The following ZSCAN25 variants were observed in gnomAD, a reference collection of about 807,000 sequenced individuals.
ZSCAN25 encodes zinc finger and SCAN domain containing 25, also known as zinc finger and SCAN domain-containing protein 25.
Under a neutral mutation model 38.7 loss-of-function variants are expected in ZSCAN25, and 27 were observed. The observed-to-expected ratio is 0.70, with a 90% confidence interval of 0.51 to 0.96. The LOEUF (loss-of-function observed/expected upper bound fraction) is 0.96. Among genes scored for constraint, ZSCAN25 ranks in the 40% least tolerant of loss-of-function variants. The pLI is 0.00. For synonymous variants in ZSCAN25, 273 were observed against 277.7 expected (o/e 0.98, Z 0.17); for missense variants, 637 against 705.9 (o/e 0.90, Z 1.11).
In ZSCAN25 at chr7:99,621,445, C is replaced by G; in HGVS notation, c.460C>G (p.Leu154Val). ...CRGAWEPGIQ[L>V]GPVEVKPEWG... ...AGGCGCTTGGGAGCCAGGCATCCAG[C>G]TGGGGCCAGTGGAGGTCAAGCCTGA... The change falls in exon 5 of 8, where the codon CTG (leucine) becomes GTG (valine). Residue 154 changes from leucine to valine, a missense_variant. Physicochemically the swap from Leu to Val is conservative, Grantham distance 32. Coordinates refer to ENST00000394152, the MANE Select transcript of ZSCAN25 (RefSeq NM_145115.3). 6.4e-7 allele frequency: 1 copy of G among 1,553,342 alleles called. No individual in the cohort carries two copies. Among genetic ancestry groups the G allele is most frequent in the Non-Finnish European group, 8.7e-7 (1 of 1,144,984 alleles).
the ZSCAN25 span, among the ~76,000 whole-genome samples, chr7:99,658,669 CAG>C: frequency 3.9e-5 from 6 of 152,202 alleles, no homozygotes; most frequent in African/African-American, 1.4e-4. Flanking sequence ...TAATATCCTG[CAG>C]AGTGTTTTCC....
chr7:99,712,168 A>G, the ZSCAN25 span, among the ~76,000 whole-genome samples: 6 of 152,274 alleles, frequency 3.9e-5, no homozygotes, highest in South Asian at 1.2e-3. Flanking sequence ...AGAGACCGGG[A>G]ACACAGAAAT....
Position 99,631,522 on chromosome 7 carries a change from C to T in ZSCAN25, c.*1502C>T. 1 of 985,484 alleles carries T rather than the reference C, an allele frequency of 1.0e-6. No individual in the cohort carries two copies. Among genetic ancestry groups the T allele is most frequent in the Non-Finnish European group, 1.2e-6 (1 of 829,942 alleles). 61.0% of individuals were successfully genotyped at this position (985,484 alleles called of 1,614,324 possible). A position where few individuals can be genotyped will look rare whatever the true frequency, so the allele number is the denominator to read the frequency against. On this transcript the variant is annotated 3_prime_UTR_variant, in exon 8 of 8. Transcript: ENST00000394152. ...ATTGTGCTGTGCCTTTGAACCCTGG[C>T]TGAGTGAGTGAGTTTGTCCTTTGTT...
chr7:99,715,823 G>T, the ZSCAN25 span: 9 of 1,613,872 alleles, frequency 5.6e-6, no homozygotes, highest in Non-Finnish European at 6.8e-6. Context: ...TTCCACAAAG[G>T]GGTCTTGTGG....
the ZSCAN25 span, among the ~76,000 whole-genome samples, chr7:99,738,022 A>G: frequency 1.3e-5 from 2 of 152,194 alleles, no homozygotes; most frequent in Non-Finnish European, 2.9e-5. Context: ...TAAAGCATTC[A>G]TCATGTTTTT....
the ZSCAN25 span, among the ~76,000 whole-genome samples, chr7:99,651,901 C>T: frequency 3.4e-4 from 51 of 152,202 alleles, 1 homozygote; most frequent in Admixed American, 6.5e-5. Flanking sequence ...CCAGGAGGAC[C>T]TGTGCTGTCT....
At chr7:99,644,661 T>C in the ZSCAN25 span, among the ~76,000 whole-genome samples, 1 of 152,170 alleles carries the variant, frequency 6.6e-6, no homozygotes, top group Non-Finnish European at 1.5e-5. Flanking sequence ...TTATGAGGCC[T>C]TTCTTCATTT....
rs1272178867 is a variant in ZSCAN25 at position 99,631,624 on chromosome 7, T to G, written c.*1604T>G. On this transcript the variant is annotated 3_prime_UTR_variant, in exon 8 of 8. Transcript: ENST00000394152. ...ACCAGATTCTTTTACTGAGATTTTTTTTTTTCATTTTCCATTGTAAATAAG... is the reference window on the plus strand; with the variant it reads ...ACCAGATTCTTTTACTGAGATTTTTGTTTTTCATTTTCCATTGTAAATAAG... The G allele has an allele frequency of 5.1e-6, 5 of 985,302 alleles. No individual in the cohort carries two copies. Among genetic ancestry groups the G allele is most frequent in the East Asian group, 2.3e-4 (2 of 8,826 alleles). 61.0% of individuals were successfully genotyped at this position (985,302 alleles called of 1,614,324 possible).
the ZSCAN25 span, chr7:99,660,196 C>T: frequency 1.0e-6 from 1 of 994,788 alleles, no homozygotes; most frequent in Non-Finnish European, 1.2e-6. Context: ...CCTGTTTGGC[C>T]ATCTTCTCGC....
At chr7:99,646,703 T>TC in the ZSCAN25 span, among the ~76,000 whole-genome samples, 1 of 151,780 alleles carries the variant, frequency 6.6e-6, no homozygotes, top group Non-Finnish European at 1.5e-5. Flanking sequence ...AAAATGATAT[T>TC]CATAAGCCAA....
At chr7:99,662,975 T>C in the ZSCAN25 span, 1 of 1,565,848 alleles carries the variant, frequency 6.4e-7, no homozygotes. The surrounding 1 kb of genome is among the most constrained non-coding windows in gnomAD (Gnocchi z 4.3). Context: ...CTTCTTGACT[T>C]CCCTCCCTCA....
the ZSCAN25 span, chr7:99,672,506 T>C: frequency 5.4e-6 from 7 of 1,291,960 alleles, no homozygotes; most frequent in Non-Finnish European, 3.4e-6. Flanking sequence ...CTTCTGTGAA[T>C]ATATGTTTTT....
chr7:99,658,395 T>C, the ZSCAN25 span, among the ~76,000 whole-genome samples: 1 of 152,200 alleles, frequency 6.6e-6, no homozygotes, highest in Non-Finnish European at 1.5e-5. Flanking sequence ...TCTTTAAGAA[T>C]GTTGAATATT....
chr7:99,709,364 T>G, the ZSCAN25 span: 1 of 1,497,646 alleles, frequency 6.7e-7, no homozygotes, highest in Non-Finnish European at 9.1e-7. Flanking sequence ...AGAGAACAAC[T>G]CATACTGGCA....
the ZSCAN25 span, chr7:99,648,093 C>T: frequency 3.1e-5 from 36 of 1,162,130 alleles, no homozygotes; most frequent in African/African-American, 4.9e-4. Context: ...ACCTATCTGT[C>T]ACTTACCTGG....
chr7:99,632,286 A>G lies in ZSCAN25; in HGVS notation c.*2266A>G, dbSNP rs577188796. The G allele has an allele frequency of 1.2e-5, 12 of 977,596 alleles. No individual in the cohort carries two copies. In the African/African-American group the frequency reaches 1.9e-4, roughly 16 times the overall value. 60.6% of individuals were successfully genotyped at this position (977,596 alleles called of 1,614,324 possible). A position where few individuals can be genotyped will look rare whatever the true frequency, so the allele number is the denominator to read the frequency against. ...CATATCTATTCAAATGTTAAGAAAT[A>G]TTTTGTTTTCTGTATTTTTCTATTC... is the stretch of plus-strand genomic sequence containing the variant. On this transcript the variant is annotated 3_prime_UTR_variant, in exon 8 of 8. Coordinates refer to ENST00000394152, the MANE Select transcript of ZSCAN25 (RefSeq NM_145115.3).
At chr7:99,638,320 ACCAGTTCCTGTCCTGAAT>A in the ZSCAN25 span, 1 of 1,605,946 alleles carries the variant, frequency 6.2e-7, no homozygotes, top group Non-Finnish European at 8.5e-7. Context: ...GGCTGCCCAT[ACCAGTTCCTGTCCTGAAT>A]CCAGGTCAGG....
the ZSCAN25 span, chr7:99,664,177 TAATAAG>T: frequency 2.7e-6 from 3 of 1,126,010 alleles, no homozygotes; most frequent in Non-Finnish European, 2.6e-6. Context: ...TCTCTACCAG[TAATAAG>T]AATAAGAACA....
At chr7:99,730,912 T>A in the ZSCAN25 span, 1 of 1,087,138 alleles carries the variant, frequency 9.2e-7, no homozygotes, top group East Asian at 2.7e-5. Context: ...CAGGGTAAAC[T>A]TTGCCACGCT....
Sources: gnomAD v4.1 joint callset for allele counts (sites outside exome capture counted in the v4.1 genomes callset) on GRCh38, gnomAD v4.1.1 for gene constraint, Gnocchi (gnomAD v3.1) non-coding constraint, MANE v1.5 for transcripts, NCBI Gene and HGNC (gene_info 2026-07-23, HGNC 2026-07-21) for gene names.